The following HEMK2 variants were observed in gnomAD, a reference collection of about 807,000 sequenced individuals.
HEMK2 encodes methyltransferase HEMK2.
At chr21:28,761,788 A>G in the HEMK2 span, among the ~76,000 whole-genome samples, 1 of 152,114 alleles carries the variant, frequency 6.6e-6, no homozygotes, top group Admixed American at 6.6e-5. Flanking sequence ...CAGGTTGAAT[A>G]AATGATGAGG....
At chr21:28,851,328 C>G in the HEMK2 span, among the ~76,000 whole-genome samples, 1 of 152,098 alleles carries the variant, frequency 6.6e-6, no homozygotes, top group Non-Finnish European at 1.5e-5. Flanking sequence ...AGTGTAAGAA[C>G]AGCTTGCACA....
chr21:28,609,648 G>GAAA, the HEMK2 span, among the ~76,000 whole-genome samples: 1 of 82,844 alleles, frequency 1.2e-5, no homozygotes, highest in Non-Finnish European at 2.7e-5. Context: ...CCAACTTAAA[G>GAAA]AAAAAAAAAA....
chr21:28,581,023 C>T, the HEMK2 span, among the ~76,000 whole-genome samples: 1 of 152,048 alleles, frequency 6.6e-6, no homozygotes, highest in Non-Finnish European at 1.5e-5. Context: ...CTGGTACCCA[C>T]GAATCTTATT....
the HEMK2 span, among the ~76,000 whole-genome samples, chr21:28,640,689 G>C: frequency 6.8e-6 from 1 of 146,078 alleles, no homozygotes; most frequent in Admixed American, 6.9e-5. Flanking sequence ...GTCTGATCTA[G>C]GCTTCAAAAC....
At chr21:28,762,102 C>CT in the HEMK2 span, among the ~76,000 whole-genome samples, 1 of 152,120 alleles carries the variant, frequency 6.6e-6, no homozygotes, top group Admixed American at 6.6e-5. Flanking sequence ...TAAGAAAAGA[C>CT]GTTGCCCTCA....
the HEMK2 span, among the ~76,000 whole-genome samples, chr21:28,634,068 G>C: frequency 3.3e-5 from 5 of 152,178 alleles, no homozygotes; most frequent in Non-Finnish European, 7.3e-5. Context: ...ACTGCCCGTG[G>C]CGTCACTGCC....
chr21:28,777,718 TAAAA>T, the HEMK2 span, among the ~76,000 whole-genome samples: 1 of 152,152 alleles, frequency 6.6e-6, no homozygotes, highest in African/African-American at 2.4e-5. Context: ...GTTGTTAGAA[TAAAA>T]AACATTCTTG....
At chr21:28,604,026 T>C in the HEMK2 span, among the ~76,000 whole-genome samples, 1 of 152,178 alleles carries the variant, frequency 6.6e-6, no homozygotes, top group Non-Finnish European at 1.5e-5. Flanking sequence ...AACACAGTCC[T>C]TAGAATTAAA....
chr21:28,789,206 A>G, the HEMK2 span, among the ~76,000 whole-genome samples: 1 of 152,222 alleles, frequency 6.6e-6, no homozygotes, highest in Admixed American at 6.5e-5. Flanking sequence ...TAACATTGGC[A>G]GTATTTTTAT....
chr21:28,611,774 G>A, the HEMK2 span, among the ~76,000 whole-genome samples: 1 of 151,976 alleles, frequency 6.6e-6, no homozygotes, highest in African/African-American at 2.4e-5. Context: ...TGTGCATGGT[G>A]GTGGGCACCT....
chr21:28,778,885 T>A, the HEMK2 span, among the ~76,000 whole-genome samples: 1 of 152,238 alleles, frequency 6.6e-6, no homozygotes, highest in South Asian at 2.1e-4. Flanking sequence ...ATATATTATA[T>A]TTCCATCCTT....
the HEMK2 span, among the ~76,000 whole-genome samples, chr21:28,664,400 C>T: frequency 0.016 from 2,458 of 152,224 alleles, 68 homozygotes; most frequent in African/African-American, 0.055. Flanking sequence ...AAATAAATCA[C>T]TACATAGGCC....
chr21:28,808,459 T>C, the HEMK2 span, among the ~76,000 whole-genome samples: 3 of 150,160 alleles, frequency 2.0e-5, no homozygotes, highest in Non-Finnish European at 4.4e-5. Context: ...TTGCATTGAA[T>C]CAGTAGATCA....
At chr21:28,745,067 C>CA in the HEMK2 span, among the ~76,000 whole-genome samples, 17 of 152,046 alleles carry the variant, frequency 1.1e-4, no homozygotes, top group African/African-American at 4.8e-5. Flanking sequence ...CCACTATTGG[C>CA]AAAAAATGTA....
At chr21:28,702,534 C>G in the HEMK2 span, among the ~76,000 whole-genome samples, 2 of 152,032 alleles carry the variant, frequency 1.3e-5, no homozygotes, top group Admixed American at 1.3e-4. Context: ...AAGACACACA[C>G]GCAGCCAACA....
the HEMK2 span, among the ~76,000 whole-genome samples, chr21:28,763,530 AACAGTGTGAATC>A: frequency 6.6e-6 from 1 of 152,228 alleles, no homozygotes; most frequent in South Asian, 2.1e-4. Flanking sequence ...CCCCACCTCC[AACAGTGTGAATC>A]ACATTTCAAC....
the HEMK2 span, among the ~76,000 whole-genome samples, chr21:28,769,402 A>C: frequency 6.6e-6 from 1 of 152,098 alleles, no homozygotes; most frequent in Non-Finnish European, 1.5e-5. Flanking sequence ...AACGTCAAAG[A>C]TCCTACCAGA....
At chr21:28,796,227 C>T in the HEMK2 span, among the ~76,000 whole-genome samples, 20 of 152,158 alleles carry the variant, frequency 1.3e-4, 1 homozygote, top group South Asian at 2.9e-3. Context: ...CTCCGCCACC[C>T]GCCCCACTCT....
the HEMK2 span, among the ~76,000 whole-genome samples, chr21:28,748,068 T>C: frequency 6.6e-6 from 1 of 152,182 alleles, no homozygotes; most frequent in African/African-American, 2.4e-5. Flanking sequence ...CAGTATTGTG[T>C]ATGCATGAAC....
Sources: allele counts gnomAD v4.1 joint callset (sites outside exome capture counted in the v4.1 genomes callset), GRCh38; gene constraint gnomAD v4.1.1; transcripts MANE v1.5; gene names NCBI Gene and HGNC (gene_info 2026-07-23, HGNC 2026-07-21).